The following MAST3 variants were observed in gnomAD, a reference collection of about 807,000 sequenced individuals.
MAST3 encodes the protein microtubule associated serine/threonine kinase 3.
A neutral mutation model predicts 127.0 loss-of-function variants in MAST3; 43 were observed. The ratio of observed to expected loss-of-function variants is 0.34; its 90% CI spans 0.27 to 0.44. The LOEUF (loss-of-function observed/expected upper bound fraction) is 0.44, where lower values mean the gene tolerates loss of function less well. MAST3 is among the 20% of genes least tolerant of loss of function. MAST3 has a pLI of 1.00. For missense variants in MAST3, 1,390 were observed against 1,919.1 expected, an observed-to-expected ratio of 0.72 and a Z score of 5.15; for synonymous variants, 785 against 809.2, an observed-to-expected ratio of 0.97 and a Z score of 0.51.
Position 18,135,699 on chromosome 19 carries a change from TCTCCCTCCCTCCCTCATTTTAC to T in MAST3, c.1871-29_1871-8del. The stretch of plus-strand genomic sequence containing the variant: ...GGTACTAGAAAGGGGTACCCTGCCT[TCTCCCTCCCTCCCTCATTTTAC>T]CTCCCTCCCTCATTTTAGATGAGAT... On this transcript the variant is annotated intron_variant, in intron 17 of 27. Coordinates refer to ENST00000687212, the MANE Select transcript of MAST3 (RefSeq NM_001393504.1). The T allele has an allele frequency of 6.8e-7, 1 of 1,480,608 alleles. No homozygotes were observed. The allele number at this position is 1,480,608 out of a possible 1,614,324, so 91.7% of individuals were successfully genotyped here. A position where few individuals can be genotyped will look rare whatever the true frequency, so the allele number is the denominator to read the frequency against.
chr19:18,135,053 G>C (rs547342276), intron 17 of MAST3, 71 bp downstream of exon 17: 2 of 1,499,012 alleles, frequency 1.3e-6, no homozygotes, highest in African/African-American at 2.8e-5. Context: ...TCCTCCACCC[G>C]CATGTCAGGG....
chr19:18,113,855 C>T (rs920493132), intron 3 of MAST3, among the ~76,000 whole-genome samples: 1 of 152,176 alleles, frequency 6.6e-6, no homozygotes, highest in Non-Finnish European at 1.5e-5. Context: ...GCCTTGGCCT[C>T]CCACGGTACT....
chr19:18,136,541 G>A lies in MAST3; in HGVS notation c.1973-698G>A, dbSNP rs572302571. Among the ~76,000 whole-genome samples the A allele has an allele frequency of 6.8e-4, 104 of 152,282 alleles. 1 individual carries two copies. Among genetic ancestry groups the A allele is most frequent in the African/African-American group, 2.2e-3 (93 of 41,550 alleles). ...AGCGATCCTCCCACCTCAGCCTCCC[G>A]AGTAGCCGGAACCACAGGCATGTGC... is the stretch of plus-strand genomic sequence containing the variant. On this transcript the variant is annotated intron_variant, in intron 18 of 27. Transcript: ENST00000687212.
At chr19:18,122,627 A>G in intron 5 of MAST3, 46 bp from the exon 6 acceptor site, 1 of 1,549,794 alleles carries the variant, frequency 6.5e-7, no homozygotes, top group Non-Finnish European at 8.8e-7. Context: ...CCCACAAACC[A>G]CAGGGGCCAG....
At chr19:18,137,396 G>T (rs778763820) in intron 19 of MAST3, 35 bp downstream of exon 19, 1 of 1,600,292 alleles carries the variant, frequency 6.2e-7, no homozygotes, top group Non-Finnish European at 8.5e-7. Flanking sequence ...GGGGCGGGGG[G>T]TGCTCTGCCA....
intron 25 of MAST3, among the ~76,000 whole-genome samples, chr19:18,146,335 C>T (rs1228718979): frequency 6.6e-6 from 1 of 152,112 alleles, no homozygotes; most frequent in Non-Finnish European, 1.5e-5. Flanking sequence ...GTCCTAGGTA[C>T]TTAGGAGTCT....
chr19:18,112,304 G>A lies in MAST3; in HGVS notation c.161+1563G>A, dbSNP rs924336222. Reference sequence around the variant, plus strand: ...CAGGCTCCGAGTAGCGGAGACTACAGGCGTGCCACCACGCCCGGCTAATTT... The same window carrying A: ...CAGGCTCCGAGTAGCGGAGACTACAAGCGTGCCACCACGCCCGGCTAATTT... On this transcript the variant is annotated intron_variant, in intron 3 of 27. Transcript: ENST00000687212. This position sits in a 1 kb window ranked among gnomAD's most constrained non-coding sequence, Gnocchi z 4.1. 6.6e-6 allele frequency among the ~76,000 whole-genome samples: 1 copy of A among 152,154 alleles called. No homozygotes were observed. Among genetic ancestry groups the A allele is most frequent in the Non-Finnish European group, 1.5e-5 (1 of 68,028 alleles).
At position 18,128,473 on chromosome 19, in the gene MAST3, C is replaced by T. The variant is rs1287551302; in HGVS notation, c.1137+15C>T. 3 of 1,551,852 alleles carry T rather than the reference C, an allele frequency of 1.9e-6. No homozygotes were observed. The highest frequency in any genetic ancestry group is 2.6e-6 in the Non-Finnish European group (3 of 1,147,130). On this transcript the variant is annotated intron_variant, in intron 12 of 27. Transcript: ENST00000687212. Reference sequence around the variant, plus strand: ...AGTCCCCAGAGGTGAGTAGCAGAGGCTGGGGGACCCCCGCTCATCTTGTTC... The same window carrying T: ...AGTCCCCAGAGGTGAGTAGCAGAGGTTGGGGGACCCCCGCTCATCTTGTTC...
intron 1 of MAST3, among the ~76,000 whole-genome samples, chr19:18,105,702 A>T (rs1186793474): frequency 4.6e-5 from 7 of 151,854 alleles, no homozygotes; most frequent in African/African-American, 1.7e-4. Context: ...ACAAAAAAAA[A>T]CCCTCTTGGG....
Position 18,110,468 on chromosome 19 carries a change from C to A in MAST3, c.72-184C>A. On this transcript the variant is annotated intron_variant, in intron 2 of 27. Transcript: ENST00000687212. This position sits in a 1 kb window ranked among gnomAD's most constrained non-coding sequence, Gnocchi z 4.3. Reference sequence around the variant, plus strand: ...TTCGTGTCGCCCAGAAACGCACCGCCGCCTCCGGGGAGCCCTCCCGGGCCA... The same window carrying A: ...TTCGTGTCGCCCAGAAACGCACCGCAGCCTCCGGGGAGCCCTCCCGGGCCA... 1.0e-6 allele frequency: 1 copy of A among 966,206 alleles called. No individual in the cohort carries two copies. Among genetic ancestry groups the A allele is most frequent in the Non-Finnish European group, 1.2e-6 (1 of 812,066 alleles). The allele number at this position is 966,206 out of a possible 1,614,324, so 59.9% of individuals were successfully genotyped here.
chr19:18,099,400 A>C (rs972382404), intron 1 of MAST3, among the ~76,000 whole-genome samples: 6 of 151,600 alleles, frequency 4.0e-5, no homozygotes, highest in Non-Finnish European at 7.4e-5. Flanking sequence ...CTCCAGCCCC[A>C]GTTAGATGCC....
chr19:18,132,402 A>G (rs2041412345), intron 15 of MAST3, among the ~76,000 whole-genome samples: 1 of 152,184 alleles, frequency 6.6e-6, no homozygotes. Context: ...GCTGCTGCAC[A>G]AGGGGAGAGA....
chr19:18,118,442 TC>T (rs1287723711), intron 3 of MAST3, among the ~76,000 whole-genome samples: 3 of 152,142 alleles, frequency 2.0e-5, no homozygotes, highest in Non-Finnish European at 4.4e-5. Context: ...CGCCCCTCGT[TC>T]CCTGGACTGG....
chr19:18,106,948 G>A (rs1392308772), intron 1 of MAST3, among the ~76,000 whole-genome samples: 1 of 140,996 alleles, frequency 7.1e-6, no homozygotes, highest in Non-Finnish European at 1.5e-5. Flanking sequence ...GTACAGGCTT[G>A]AGCCACCATG....
intron 10 of MAST3, 47 bp downstream of exon 10, chr19:18,124,413 G>C (rs2040351866): frequency 3.3e-6 from 5 of 1,517,852 alleles, no homozygotes; most frequent in Admixed American, 1.9e-5. Context: ...GCAGAACTGA[G>C]ATTGGGACCA....
intron 20 of MAST3, among the ~76,000 whole-genome samples, chr19:18,140,070 C>T (rs2042292754): frequency 6.6e-6 from 1 of 151,814 alleles, no homozygotes; most frequent in Non-Finnish European, 1.5e-5. Flanking sequence ...CCACCTGCCT[C>T]GGCCTCCCAA....
rs1264382589 is a variant in MAST3, at chr19:18,149,224, G to C, written c.3542G>C (p.Ser1181Thr). The C allele has an allele frequency of 6.4e-7, 1 of 1,554,262 alleles. No homozygotes were observed. Among genetic ancestry groups the C allele is most frequent in the Admixed American group, 1.9e-5 (1 of 52,980 alleles). Residue 1181 changes from serine (S) to threonine (T), a missense_variant, in exon 28 of 28, where the codon AGC (serine) becomes ACC (threonine). Ser to Thr is a moderately conservative substitution (Grantham distance 58). This residue lies in a region of MAST3 where 816 missense variants were observed against 934.1 expected (regional missense o/e 0.87). Transcript: ENST00000687212. The surrounding 1 kb of genome is among the most constrained non-coding windows in gnomAD (Gnocchi z 5.9). ...GCATCCCCACCCAGCGCATCCCCGA[G>C]CTCCAGCAGCCCCGCCTCCCCAGCT... ...TTASPPSASP[S>T]SSSPASPAAA...
chr19:18,143,635 G>A, intron 21 of MAST3, 128 bp from the exon 22 acceptor site: 1 of 1,181,518 alleles, frequency 8.5e-7, no homozygotes, highest in Non-Finnish European at 1.2e-6. Context: ...CAGACAGAAG[G>A]AACTCGTCCT....
In MAST3 at chr19:18,124,750, G is replaced by T. The variant is rs771282709; in HGVS notation, c.1054G>T (p.Gly352Cys). Residue 352 changes from glycine (G) to cysteine (C), a missense_variant, in exon 11 of 28, where the codon GGC becomes TGC. Physicochemically the swap from Gly to Cys is radical, Grantham distance 159. Coordinates refer to ENST00000687212, the MANE Select transcript of MAST3 (RefSeq NM_001393504.1). ...TCCACAGTACATCATTGGGCAGCTG[G>T]GCCTGGCCAAGGACCCCCTGGAGGG... The part of the protein sequence containing the change: ...DLPQYIIGQL[G>C]LAKDPLEEMV... 1 of 1,603,082 alleles carries T rather than the reference G, an allele frequency of 6.2e-7. No homozygotes were observed. The highest frequency in any genetic ancestry group is 1.1e-5 in the South Asian group (1 of 90,536).
Sources: gnomAD v4.1 joint callset for allele counts (sites outside exome capture counted in the v4.1 genomes callset) on GRCh38, gnomAD v4.1.1 for gene constraint, gnomAD v4.1.1 regional missense constraint, Gnocchi (gnomAD v3.1) non-coding constraint, MANE v1.5 for transcripts, NCBI Gene and HGNC (gene_info 2026-07-23, HGNC 2026-07-21) for gene names.